Variants in EXOC6B observed in about 807,000 individuals in gnomAD.
The protein encoded by EXOC6B is SEC15 homolog B.
A neutral mutation model predicts 113.5 loss-of-function variants in EXOC6B; 54 were observed. The ratio of observed to expected loss-of-function variants is 0.48; its 90% confidence interval spans 0.38 to 0.60. The LOEUF is 0.60. Among genes scored for constraint, EXOC6B ranks in the 20% least tolerant of loss-of-function variants. EXOC6B has a pLI of 0.00. For missense variants in EXOC6B, 797 were observed against 977.5 expected, an observed-to-expected ratio of 0.82 and a Z score of 2.46; for synonymous variants, 357 against 339.0, an observed-to-expected ratio of 1.05 and a Z score of -0.58.
In EXOC6B at chr2:72,776,447, T is replaced by A. The variant is rs191443953; in HGVS notation, c.114-34978A>T. ...GCCTGGGCAACATGGAGAAACCTCATCTCTACAAACAATACAAAAATTAGC... is the reference window on the plus strand; with the variant it reads ...GCCTGGGCAACATGGAGAAACCTCAACTCTACAAACAATACAAAAATTAGC... On this transcript the variant is annotated intron_variant, in intron 1 of 21. Transcript: ENST00000272427. Among the ~76,000 whole-genome samples the A allele has an allele frequency of 2.3e-3, 351 of 152,082 alleles. 2 individuals are homozygous for A. The highest frequency in any genetic ancestry group is 3.6e-3 in the Non-Finnish European group (248 of 67,988).
chr2:72,364,984 G>T (rs1690531871), intron 19 of EXOC6B, among the ~76,000 whole-genome samples: 1 of 152,082 alleles, frequency 6.6e-6, no homozygotes, highest in Admixed American at 6.6e-5. Flanking sequence ...GACTGGTTTA[G>T]CCAATCATTA....
intron 8 of EXOC6B, among the ~76,000 whole-genome samples, chr2:72,544,014 C>A (rs1322248182): frequency 6.6e-6 from 1 of 152,210 alleles, no homozygotes; most frequent in African/African-American, 2.4e-5. Context: ...AATCAGAAAG[C>A]TTCCAGCTCT....
chr2:72,797,915 G>A (rs940679162), intron 1 of EXOC6B, among the ~76,000 whole-genome samples: 1 of 151,896 alleles, frequency 6.6e-6, no homozygotes, highest in Admixed American at 6.6e-5. Context: ...ACTCAAAAAA[G>A]GGATGATGCA....
chr2:72,254,907 T>C (rs889698972), intron 20 of EXOC6B, among the ~76,000 whole-genome samples: 3 of 152,090 alleles, frequency 2.0e-5, no homozygotes, highest in Non-Finnish European at 4.4e-5. Context: ...TATGGTAAAA[T>C]GTGATAGAAA....
At chr2:72,683,462 T>C (rs1676859970) in intron 6 of EXOC6B, among the ~76,000 whole-genome samples, 1 of 152,144 alleles carries the variant, frequency 6.6e-6, no homozygotes, top group African/African-American at 2.4e-5. Context: ...GTATGCATAG[T>C]TCAAGCCCAT....
At chr2:72,291,271 G>C (rs571412888) in intron 20 of EXOC6B, among the ~76,000 whole-genome samples, 1 of 152,168 alleles carries the variant, frequency 6.6e-6, no homozygotes, top group Non-Finnish European at 1.5e-5. Flanking sequence ...TCTTCTGCAT[G>C]ATGAGTCATT....
chr2:72,645,758 A>G (rs897524718), intron 6 of EXOC6B, among the ~76,000 whole-genome samples: 5 of 152,234 alleles, frequency 3.3e-5, no homozygotes, highest in African/African-American at 1.2e-4. Context: ...ACAAAGACAC[A>G]ACATACCAGA....
intron 1 of EXOC6B, among the ~76,000 whole-genome samples, chr2:72,770,454 C>T (rs955977198): frequency 6.6e-6 from 1 of 152,132 alleles, no homozygotes; most frequent in Non-Finnish European, 1.5e-5. Flanking sequence ...TATTATGTAA[C>T]ATCCCAGTAA....
chr2:72,205,238 T>C (rs1298514290), intron 20 of EXOC6B, among the ~76,000 whole-genome samples: 14 of 152,068 alleles, frequency 9.2e-5, no homozygotes, highest in African/African-American at 2.9e-4. Flanking sequence ...TCTGGGACAT[T>C]TAAACAGAGA....
intron 8 of EXOC6B, among the ~76,000 whole-genome samples, chr2:72,529,073 C>T (rs933355394): frequency 6.6e-6 from 1 of 152,102 alleles, no homozygotes; most frequent in African/African-American, 2.4e-5. Context: ...ATAAAACTTC[C>T]AGCACTATAT....
At chr2:72,351,838 T>C (rs1053358370) in intron 19 of EXOC6B, among the ~76,000 whole-genome samples, 2 of 152,172 alleles carry the variant, frequency 1.3e-5, no homozygotes, top group Non-Finnish European at 2.9e-5. Context: ...TAGAATAAAG[T>C]ATATGCTTCT....
At chr2:72,409,976 G>A (rs144171742) in intron 18 of EXOC6B, among the ~76,000 whole-genome samples, 102 of 152,184 alleles carry the variant, frequency 6.7e-4, no homozygotes, top group Admixed American at 1.6e-3. Context: ...GGATGCCGTC[G>A]TTCCCCCACA....
chr2:72,219,757 A>G (rs887642519), intron 20 of EXOC6B, among the ~76,000 whole-genome samples: 2 of 152,290 alleles, frequency 1.3e-5, no homozygotes, highest in South Asian at 4.1e-4. Context: ...GCCTTAATCC[A>G]TCACCTAATT....
intron 6 of EXOC6B, among the ~76,000 whole-genome samples, chr2:72,680,021 A>C (rs1022697509): frequency 6.6e-6 from 1 of 152,208 alleles, no homozygotes; most frequent in Non-Finnish European, 1.5e-5. Context: ...ATATAAGAGA[A>C]TGCTTTTTTC....
intron 1 of EXOC6B, among the ~76,000 whole-genome samples, chr2:72,794,806 A>G (rs982857853): frequency 1.3e-5 from 2 of 152,236 alleles, no homozygotes; most frequent in African/African-American, 4.8e-5. Flanking sequence ...ATTAACAGAG[A>G]AATTCTAACA....
chr2:72,666,158 C>T (rs1675372787), intron 6 of EXOC6B, among the ~76,000 whole-genome samples: 1 of 152,116 alleles, frequency 6.6e-6, no homozygotes, highest in African/African-American at 2.4e-5. Context: ...TATATACACA[C>T]TCCACAATGA....
chr2:72,520,852 G>A (rs1489870579), intron 8 of EXOC6B, among the ~76,000 whole-genome samples: 1 of 152,124 alleles, frequency 6.6e-6, no homozygotes, highest in Non-Finnish European at 1.5e-5. Flanking sequence ...ATGTGCTCTT[G>A]TATGGCACTA....
chr2:72,606,373 C>T (rs757217479), intron 6 of EXOC6B, among the ~76,000 whole-genome samples: 34 of 151,838 alleles, frequency 2.2e-4, no homozygotes, highest in Non-Finnish European at 4.9e-4. Flanking sequence ...ATTAAACAGG[C>T]CTATGAAGTA....
intron 18 of EXOC6B, among the ~76,000 whole-genome samples, chr2:72,420,944 TG>T (rs1349528982): frequency 6.6e-6 from 1 of 152,242 alleles, no homozygotes; most frequent in African/African-American, 2.4e-5. Context: ...TGGCCTGAGA[TG>T]GTATCTCATT....
Sources: gnomAD v4.1 joint callset for allele counts (sites outside exome capture counted in the v4.1 genomes callset) on GRCh38, gnomAD v4.1.1 for gene constraint, MANE v1.5 for transcripts, NCBI Gene and HGNC (gene_info 2026-07-23, HGNC 2026-07-21) for gene names.